TVP23A: variants seen among roughly 807,000 people sequenced by gnomAD.
TVP23A encodes Golgi apparatus membrane protein TVP23 homolog A.
TVP23A carries 21 observed loss-of-function variants against 31.7 expected under a neutral mutation model. The observed-to-expected ratio is 0.66, with a 90% CI of 0.47 to 0.95. The LOEUF (loss-of-function observed/expected upper bound fraction) is 0.95, where lower values mean the gene tolerates loss of function less well. TVP23A is among the 40% of genes least tolerant of loss of function. The pLI, the probability that TVP23A is intolerant of heterozygous loss-of-function variation, is 0.00. For synonymous variants in TVP23A, 104 were observed against 96.0 expected (o/e 1.08, Z -0.49); for missense variants, 279 against 255.6 (o/e 1.09, Z -0.62).
At position 10,774,871 on chromosome 16, in the gene TVP23A, C is replaced by T. The variant is rs1186867592; in HGVS notation, c.234+81G>A. ...CTTAAGCATGTCTCAGGAGTCTAAA[C>T]CAAAGTACCTCTTGGTACCACGCAC... is the stretch of plus-strand genomic sequence containing the variant. On this transcript the variant is annotated intron_variant, in intron 3 of 7. Coordinates refer to ENST00000299866, the MANE Select transcript of TVP23A (RefSeq NM_001079512.4). 6 of 1,337,394 alleles carry T rather than the reference C, an allele frequency of 4.5e-6. No individual in the cohort carries two copies. The Admixed American group carries it at 1.2e-4, about 28-fold the overall frequency. 82.8% of individuals were successfully genotyped at this position (1,337,394 alleles called of 1,614,324 possible).
Position 10,767,843 on chromosome 16 carries a change from G to A in TVP23A, c.*1259C>T. Reference sequence around the variant, plus strand: ...TTGTTCTTCATTACGAGTGAAGCGGGCTCAAGATCTTCCCATTGTCACCAG... The same window carrying A: ...TTGTTCTTCATTACGAGTGAAGCGGACTCAAGATCTTCCCATTGTCACCAG... On this transcript the variant is annotated 3_prime_UTR_variant, in exon 8 of 8. Transcript: ENST00000299866. This position sits in a 1 kb window ranked among gnomAD's most constrained non-coding sequence, Gnocchi z 4.6. 3 of 1,029,866 alleles carry A rather than the reference G, an allele frequency of 2.9e-6. No individual in the cohort carries two copies. Among genetic ancestry groups the A allele is most frequent in the South Asian group, 1.3e-5 (1 of 76,148 alleles). The allele number at this position is 1,029,866 out of a possible 1,614,324, so 63.8% of individuals were successfully genotyped here.
chr16:10,760,084 G>C (rs1308605684), downstream of TVP23A, among the ~76,000 whole-genome samples: 1 of 152,250 alleles, frequency 6.6e-6, no homozygotes, highest in Non-Finnish European at 1.5e-5. Flanking sequence ...GAAAAACTCA[G>C]AGTTGAGAAG....
At chr16:10,782,827 A>T (rs2032505966) in intron 2 of TVP23A, among the ~76,000 whole-genome samples, 1 of 152,166 alleles carries the variant, frequency 6.6e-6, no homozygotes, top group Non-Finnish European at 1.5e-5. Flanking sequence ...TTACTGGAAC[A>T]CAGTCACACC....
chr16:10,788,382 C>T (rs2032896061), intron 2 of TVP23A, among the ~76,000 whole-genome samples: 1 of 151,952 alleles, frequency 6.6e-6, no homozygotes, highest in Admixed American at 6.6e-5. Flanking sequence ...TCAAGCGATT[C>T]TCCTGCCTCA....
rs2032086691 is a variant in TVP23A, at chr16:10,777,154, C to A, written c.90-2058G>T. Among the ~76,000 whole-genome samples the A allele has an allele frequency of 6.6e-6, 1 of 152,066 alleles. No individual in the cohort carries two copies. The highest frequency in any genetic ancestry group is 2.4e-5 in the African/African-American group (1 of 41,400). On this transcript the variant is annotated intron_variant, in intron 2 of 7. Transcript: ENST00000299866. The surrounding 1 kb of genome is among the most constrained non-coding windows in gnomAD (Gnocchi z 4.5). ...GACACAGTGATGGATGAGAATGAAA[C>A]CCGCACCTCAGGGCAGGGGAGGAAA...
intron 2 of TVP23A, among the ~76,000 whole-genome samples, chr16:10,795,298 T>C (rs564705696): frequency 2.8e-4 from 43 of 151,382 alleles, no homozygotes; most frequent in Non-Finnish European, 4.7e-4. Flanking sequence ...TTGCCCAGAC[T>C]GGAGTGCAGT....
At chr16:10,762,513 C>T (rs915707034), downstream of TVP23A, among the ~76,000 whole-genome samples, 1 of 152,244 alleles carries the variant, frequency 6.6e-6, no homozygotes, top group South Asian at 2.1e-4. Flanking sequence ...ACACTCGAAG[C>T]TGCTCCCCCA....
intron 2 of TVP23A, among the ~76,000 whole-genome samples, chr16:10,789,082 C>A (rs772371921): frequency 9.2e-5 from 14 of 152,184 alleles, no homozygotes; most frequent in Non-Finnish European, 1.3e-4. Context: ...CCTGCCTCGG[C>A]CTCCCAAAGT....
At chr16:10,816,073 A>T (rs1026137797) in intron 2 of TVP23A, among the ~76,000 whole-genome samples, 1 of 152,048 alleles carries the variant, frequency 6.6e-6, no homozygotes, top group Non-Finnish European at 1.5e-5. Flanking sequence ...TTAAATTTTT[A>T]AAAAATTAGC....
intron 2 of TVP23A, among the ~76,000 whole-genome samples, chr16:10,791,769 G>A (rs551338522): frequency 1.1e-3 from 166 of 152,168 alleles, no homozygotes; most frequent in African/African-American, 3.8e-3. Flanking sequence ...CACCATGCCC[G>A]GCTAATTTTT....
chr16:10,763,183 C>T (rs759636106), downstream of TVP23A, among the ~76,000 whole-genome samples: 7 of 151,954 alleles, frequency 4.6e-5, no homozygotes, highest in African/African-American at 9.7e-5. Context: ...CTAAGGGGCT[C>T]GGGGGCTCAG....
intron 2 of TVP23A, among the ~76,000 whole-genome samples, chr16:10,787,263 G>A (rs2032818336): frequency 6.6e-6 from 1 of 152,176 alleles, no homozygotes; most frequent in Non-Finnish European, 1.5e-5. Flanking sequence ...AGAGTCCTCT[G>A]TAAGGTTTTC....
intron 2 of TVP23A, among the ~76,000 whole-genome samples, chr16:10,787,254 G>C (rs1442707775): frequency 6.6e-6 from 1 of 152,204 alleles, no homozygotes; most frequent in Admixed American, 6.5e-5. Flanking sequence ...GAGGATATGA[G>C]AGTCCTCTGT....
At chr16:10,784,432 A>G (rs1346992039) in intron 2 of TVP23A, among the ~76,000 whole-genome samples, 1 of 152,076 alleles carries the variant, frequency 6.6e-6, no homozygotes, top group East Asian at 1.9e-4. Context: ...ATGGTGGCAC[A>G]CGCCTACAGT....
At chr16:10,808,858 ATCTAAGAAATCTG>A in intron 2 of TVP23A, among the ~76,000 whole-genome samples, 1 of 152,252 alleles carries the variant, frequency 6.6e-6, no homozygotes, top group Non-Finnish European at 1.5e-5. Context: ...CCAAAATTAG[ATCTAAGAAATCTG>A]TCTGTGGCAG....
chr16:10,764,789 GTA>G, downstream of TVP23A, among the ~76,000 whole-genome samples: 1 of 107,150 alleles, frequency 9.3e-6, no homozygotes, highest in South Asian at 3.0e-4. Context: ...GTCTGCTGGA[GTA>G]TGTCAGTCTG....
chr16:10,810,270 C>G (rs1013586426), intron 2 of TVP23A, among the ~76,000 whole-genome samples: 1 of 152,012 alleles, frequency 6.6e-6, no homozygotes, highest in African/African-American at 2.4e-5. Flanking sequence ...AAGATCCACC[C>G]TCATGCAGTG....
At chr16:10,761,781 A>G (rs202005005), downstream of TVP23A, 28 of 1,613,586 alleles carry the variant, frequency 1.7e-5, no homozygotes, top group Non-Finnish European at 2.3e-5. Context: ...ATTCCCTCCC[A>G]CAACCGGGGG....
chr16:10,767,748 C>T lies in TVP23A; in HGVS notation c.*1354G>A. On this transcript the variant is annotated 3_prime_UTR_variant, in exon 8 of 8. Transcript: ENST00000299866. The surrounding 1 kb of genome is among the most constrained non-coding windows in gnomAD (Gnocchi z 4.6). ...TTCTGTACACCACCTGATTATTTAG[C>T]CACGCTGAAATGCTGGCTGGGGACC... 1 of 586,584 alleles carries T rather than the reference C, an allele frequency of 1.7e-6. No individual in the cohort carries two copies. The highest frequency in any genetic ancestry group is 2.0e-5 in the South Asian group (1 of 49,214). The allele number at this position is 586,584 out of a possible 1,614,324, so 36.3% of individuals were successfully genotyped here. A position where few individuals can be genotyped will look rare whatever the true frequency, so the allele number is the denominator to read the frequency against.
Sources: gnomAD v4.1 joint callset for allele counts (sites outside exome capture counted in the v4.1 genomes callset) on GRCh38, gnomAD v4.1.1 for gene constraint, Gnocchi (gnomAD v3.1) non-coding constraint, MANE v1.5 for transcripts, NCBI Gene and HGNC (gene_info 2026-07-23, HGNC 2026-07-21) for gene names.